The following TNPO1 variants were observed in gnomAD, a reference collection of about 807,000 sequenced individuals.
The protein encoded by TNPO1 is transportin 1, also known as transportin-1.
A neutral mutation model predicts 119.5 loss-of-function variants in TNPO1; 8 were observed. That is an observed-to-expected ratio of 0.07 (90% CI 0.04 to 0.12). The LOEUF is 0.12. Among genes scored for constraint, TNPO1 ranks in the 10% least tolerant of loss-of-function variants. The pLI, the probability that TNPO1 is intolerant of heterozygous loss-of-function variation, is 1.00. For missense variants in TNPO1, 576 were observed against 1,089.8 expected (o/e 0.53, Z 6.64); for synonymous variants, 362 against 363.0 (o/e 1.00, Z 0.03).
intron 7 of TNPO1, among the ~76,000 whole-genome samples, chr5:72,873,398 T>C (rs1176857368): frequency 6.6e-6 from 1 of 152,160 alleles, no homozygotes. Context: ...GATACTACTG[T>C]TGGGAAATTA....
intron 1 of TNPO1, among the ~76,000 whole-genome samples, chr5:72,841,120 T>TC (rs3029083): frequency 0.44 from 58,003 of 130,648 alleles, 12,977 homozygotes; most frequent in Admixed American, 0.57. Context: ...ACTCTCTCTC[T>TC]TTTTTTTTTT....
intron 1 of TNPO1, among the ~76,000 whole-genome samples, chr5:72,822,780 A>G (rs1002567367): frequency 4.0e-5 from 6 of 151,500 alleles, no homozygotes; most frequent in Admixed American, 3.9e-4. Context: ...TTTAGTAGAG[A>G]TGGGGTTTCA....
At chr5:72,845,051 TG>T (rs1745071016) in intron 1 of TNPO1, among the ~76,000 whole-genome samples, 1 of 148,890 alleles carries the variant, frequency 6.7e-6, no homozygotes, top group Admixed American at 6.8e-5. Flanking sequence ...TTCAAATAAC[TG>T]TATTTTGGCT....
chr5:72,893,451 T>C lies in TNPO1; in HGVS notation c.1971T>C (p.Ser657=), dbSNP rs1749207974. 9 of 1,614,162 alleles carry C rather than the reference T, an allele frequency of 5.6e-6. No individual in the cohort carries two copies. In the East Asian group the frequency reaches 2.0e-4, roughly 36 times the overall value. The change falls in exon 17 of 25, where the codon AGT becomes AGC. Residue 657 remains serine (S), a synonymous_variant. Coordinates refer to ENST00000337273, the MANE Select transcript of TNPO1 (RefSeq NM_002270.4). Reference sequence around the variant, plus strand: ...TGATAGTGGCTCTTGATTTACTGAGTGGCCTGGCTGAAGGACTTGGAGGCA... The same window carrying C: ...TGATAGTGGCTCTTGATTTACTGAGCGGCCTGGCTGAAGGACTTGGAGGCA... ...DFMIVALDLL[S]GLAEGLGGNI...
At chr5:72,843,450 C>T (rs920583575) in intron 1 of TNPO1, among the ~76,000 whole-genome samples, 3 of 151,820 alleles carry the variant, frequency 2.0e-5, no homozygotes, top group African/African-American at 4.8e-5. Flanking sequence ...AAAAATTAAC[C>T]GAGCGTGCTA....
chr5:72,888,163 T>C lies in TNPO1; in HGVS notation c.1389T>C (p.Arg463=). ...QCLSDKKALV[R]SITCWTLSRY... is the part of the protein sequence containing the mutation. ...TCTCTGATAAAAAGGCTCTTGTGCG[T>C]TCCATAACATGCTGGACTCTTAGCC... The change falls in exon 13 of 25, where the codon CGT becomes CGC. Residue 463 remains arginine, a synonymous_variant. Transcript: ENST00000337273. The C allele has an allele frequency of 1.2e-6, 2 of 1,614,226 alleles. No homozygotes were observed. Among genetic ancestry groups the C allele is most frequent in the Non-Finnish European group, 1.7e-6 (2 of 1,180,042 alleles).
At chr5:72,858,492 T>C (rs1229542259) in intron 4 of TNPO1, among the ~76,000 whole-genome samples, 1 of 152,122 alleles carries the variant, frequency 6.6e-6, no homozygotes. Flanking sequence ...AAAGTATGAT[T>C]GACAGATTCT....
intron 24 of TNPO1, among the ~76,000 whole-genome samples, chr5:72,908,160 A>G (rs1203981072): frequency 6.6e-6 from 1 of 152,166 alleles, no homozygotes; most frequent in Non-Finnish European, 1.5e-5. Flanking sequence ...GTGGTAATGA[A>G]CACTTCTAGT....
In TNPO1 at chr5:72,903,695, C is replaced by T. The variant is rs1749946780; in HGVS notation, c.2515-14C>T. 1 of 1,584,718 alleles carries T rather than the reference C, an allele frequency of 6.3e-7. No homozygotes were observed. The highest frequency in any genetic ancestry group is 1.4e-5 in the African/African-American group (1 of 73,910). ...TACAATATCAACCTAAGATGTATTT[C>T]TTGCTTGTTACAGGATTTTATATTT... On this transcript the variant is annotated splice_polypyrimidine_tract_variant and intron_variant, in intron 22 of 24. Coordinates refer to ENST00000337273, the MANE Select transcript of TNPO1 (RefSeq NM_002270.4).
At chr5:72,891,928 C>G in intron 15 of TNPO1, 32 bp downstream of exon 15, 2 of 1,534,482 alleles carry the variant, frequency 1.3e-6, no homozygotes, top group Non-Finnish European at 1.8e-6. Context: ...TAATCTGTTG[C>G]CAAGAACACA....
chr5:72,889,770 T>A lies in TNPO1; in HGVS notation c.1530-16T>A. On this transcript the variant is annotated splice_polypyrimidine_tract_variant and intron_variant, in intron 13 of 24. Transcript: ENST00000337273. ...CTTACAGTCAATAAGTATTCTTTTT[T>A]TTTTTTTTTAAACAGTGCCTTTGCT... is the stretch of plus-strand genomic sequence containing the variant. 6.4e-7 allele frequency: 1 copy of A among 1,564,874 alleles called. No homozygotes were observed.
intron 18 of TNPO1, among the ~76,000 whole-genome samples, chr5:72,895,628 G>A (rs980653368): frequency 1.3e-5 from 2 of 152,066 alleles, no homozygotes; most frequent in Non-Finnish European, 2.9e-5. Flanking sequence ...TACATCTCCT[G>A]ATTTATTAGG....
chr5:72,829,099 AAG>A (rs1315853347), intron 1 of TNPO1, among the ~76,000 whole-genome samples: 1 of 152,210 alleles, frequency 6.6e-6, no homozygotes, highest in Non-Finnish European at 1.5e-5. Context: ...GTTTTTCAAA[AAG>A]AGTTTGTTTC....
At position 72,910,208 on chromosome 5, in the gene TNPO1, A is replaced by G. The variant is rs1750467366; in HGVS notation, c.*1535A>G. On this transcript the variant is annotated 3_prime_UTR_variant, in exon 25 of 25. Transcript: ENST00000337273. ...CCTAGATATATGCACACAGGGTGCAAGTTAAAAGCTACAGAGTGAAAGTTG... is the reference window on the plus strand; with the variant it reads ...CCTAGATATATGCACACAGGGTGCAGGTTAAAAGCTACAGAGTGAAAGTTG... 1 of 152,612 alleles carries G rather than the reference A, an allele frequency of 6.6e-6. No homozygotes were observed. The highest frequency in any genetic ancestry group is 1.5e-5 in the Non-Finnish European group (1 of 68,012). The allele number at this position is 152,612 out of a possible 1,614,324, so 9.5% of individuals were successfully genotyped here.
chr5:72,872,839 A>G lies in TNPO1; in HGVS notation c.678+119A>G, dbSNP rs900768593. 51 of 534,792 alleles carry G rather than the reference A, an allele frequency of 9.5e-5. No individual in the cohort carries two copies. In the Middle Eastern group the frequency reaches 2.5e-3, roughly 27 times the overall value. 33.1% of individuals were successfully genotyped at this position (534,792 alleles called of 1,614,324 possible). On this transcript the variant is annotated intron_variant, in intron 7 of 24. Transcript: ENST00000337273. ...AAGAATCATTTATAATTCTAAACTC[A>G]ATATTTAATTAAATTATTTCTGATA...
At chr5:72,871,938 A>C (rs1296243174) in intron 6 of TNPO1, 2 of 152,244 alleles carry the variant, frequency 1.3e-5, no homozygotes, top group African/African-American at 4.8e-5. Context: ...AGGGAAAAAA[A>C]TGACAACAAA....
chr5:72,894,176 C>T (rs1233384792), intron 18 of TNPO1, among the ~76,000 whole-genome samples: 1 of 152,230 alleles, frequency 6.6e-6, no homozygotes, highest in Non-Finnish European at 1.5e-5. Context: ...AATGCCAGCA[C>T]TTTGGGAAGC....
intron 1 of TNPO1, among the ~76,000 whole-genome samples, chr5:72,823,117 C>G (rs926322969): frequency 6.6e-6 from 1 of 152,080 alleles, no homozygotes; most frequent in Non-Finnish European, 1.5e-5. Context: ...AAACCGGACT[C>G]TCTTCCACTG....
At chr5:72,874,293 C>A (rs1747611742) in intron 7 of TNPO1, among the ~76,000 whole-genome samples, 1 of 152,022 alleles carries the variant, frequency 6.6e-6, no homozygotes, top group Admixed American at 6.6e-5. Context: ...TCTTCACTTG[C>A]CATTGTTTTC....
Sources: gnomAD v4.1 joint callset for allele counts (sites outside exome capture counted in the v4.1 genomes callset) on GRCh38, gnomAD v4.1.1 for gene constraint, MANE v1.5 for transcripts, NCBI Gene and HGNC (gene_info 2026-07-23, HGNC 2026-07-21) for gene names.